LBH: variants seen among roughly 807,000 people sequenced by gnomAD.
The protein encoded by LBH is protein LBH.
Under a neutral mutation model 12.5 loss-of-function variants are expected in LBH, and 7 were observed. The ratio of observed to expected loss-of-function variants is 0.56; its 90% CI spans 0.32 to 1.05. LBH has a LOEUF of 1.05. Ranked by LOEUF, LBH falls within the 50% of genes least tolerant of loss-of-function variation. The pLI, the probability that LBH is intolerant of heterozygous loss-of-function variation, is 0.04. For missense variants in LBH, 119 were observed against 138.9 expected (o/e 0.86, Z 0.72); for synonymous variants, 51 against 50.1 (o/e 1.02, Z -0.08).
chr2:30,232,340 C>A, intron 1 of LBH: 2 of 1,213,038 alleles, frequency 1.6e-6, no homozygotes, highest in Non-Finnish European at 2.2e-6. Flanking sequence ...TCCACCGCCC[C>A]TAAAAACCGA....
intron 2 of LBH, among the ~76,000 whole-genome samples, chr2:30,234,752 T>C (rs1191926960): frequency 6.6e-6 from 1 of 152,204 alleles, no homozygotes; most frequent in Non-Finnish European, 1.5e-5. Context: ...TCCTAGTGTC[T>C]GGGACAGATA....
chr2:30,239,184 G>A (rs897215255), intron 2 of LBH, among the ~76,000 whole-genome samples: 4 of 152,098 alleles, frequency 2.6e-5, no homozygotes, highest in African/African-American at 4.8e-5. Flanking sequence ...GCGGTAGCTC[G>A]GAAACCCCTT....
intron 2 of LBH, among the ~76,000 whole-genome samples, chr2:30,246,879 T>G (rs980558777): frequency 1.4e-5 from 2 of 142,400 alleles, no homozygotes; most frequent in Non-Finnish European, 3.1e-5. Context: ...TAGAGTGCAG[T>G]GGCATGGTCA....
chr2:30,232,244 G>A, intron 1 of LBH: 2 of 590,644 alleles, frequency 3.4e-6, no homozygotes, highest in Non-Finnish European at 6.0e-6. Flanking sequence ...GGGGGGGTGG[G>A]GGGCGGGAAA....
rs545175590 is a variant in LBH, at chr2:30,257,446, C to T, written c.143C>T (p.Pro48Leu). 6.2e-6 allele frequency: 10 copies of T among 1,614,104 alleles called. No homozygotes were observed. Among genetic ancestry groups the T allele is most frequent in the South Asian group, 3.3e-5 (3 of 91,082 alleles). ...DGLSYQIFPD[P>L]SDFDRCCKLK... ...CTTTTCTTTCAGATCTTCCCAGACC[C>T]GTCAGATTTTGACCGCTGCTGCAAA... The change falls in exon 3 of 3, where the codon CCG (proline) becomes CTG (leucine). Residue 48 changes from proline (P) to leucine (L), a missense_variant. Coordinates refer to ENST00000395323, the MANE Select transcript of LBH (RefSeq NM_030915.4).
At chr2:30,232,340 C>T in intron 1 of LBH, 1 of 1,213,038 alleles carries the variant, frequency 8.2e-7, no homozygotes, top group Non-Finnish European at 1.1e-6. Flanking sequence ...TCCACCGCCC[C>T]TAAAAACCGA....
chr2:30,231,837 C>A, intron 1 of LBH, 73 bp downstream of exon 1: 3 of 1,394,486 alleles, frequency 2.2e-6, no homozygotes, highest in Non-Finnish European at 2.9e-6. Context: ...TGCTTCGTGC[C>A]GGCTCCGGGT....
intron 2 of LBH, among the ~76,000 whole-genome samples, chr2:30,243,265 C>G (rs1196312127): frequency 6.6e-6 from 1 of 152,228 alleles, no homozygotes; most frequent in Non-Finnish European, 1.5e-5. Flanking sequence ...AGTAGGTACA[C>G]TGACACCCTC....
At chr2:30,234,620 G>A (rs1677653584) in intron 2 of LBH, 113 bp downstream of exon 2, 1 of 693,336 alleles carries the variant, frequency 1.4e-6, no homozygotes, top group Admixed American at 2.5e-5. Context: ...GTGGGACTGT[G>A]GCAGAGTCCC....
At chr2:30,242,077 A>G (rs1010011214) in intron 2 of LBH, among the ~76,000 whole-genome samples, 2 of 152,156 alleles carry the variant, frequency 1.3e-5, no homozygotes, top group African/African-American at 4.8e-5. Context: ...TCTCTTATAA[A>G]TATGTAAATA....
rs372279040 is a variant in LBH at position 30,259,053 on chromosome 2, C to G, written c.*1432C>G. 6.6e-6 allele frequency: 1 copy of G among 152,634 alleles called. No homozygotes were observed. The highest frequency in any genetic ancestry group is 2.4e-5 in the African/African-American group (1 of 41,432). 9.5% of individuals were successfully genotyped at this position (152,634 alleles called of 1,614,324 possible). On this transcript the variant is annotated 3_prime_UTR_variant, in exon 3 of 3. Coordinates refer to ENST00000395323, the MANE Select transcript of LBH (RefSeq NM_030915.4). ...TTGCAGGACAAATGCTTCAGTCCGC[C>G]GAGAGCAGTACCGTGTGGCCAAGAG...
At chr2:30,237,535 C>G (rs1171069614) in intron 2 of LBH, among the ~76,000 whole-genome samples, 1 of 152,152 alleles carries the variant, frequency 6.6e-6, no homozygotes. Flanking sequence ...CCCAAGGTGC[C>G]TAAGTGCTAA....
intron 2 of LBH, among the ~76,000 whole-genome samples, chr2:30,251,199 C>A (rs1036895687): frequency 2.0e-5 from 3 of 151,868 alleles, no homozygotes; most frequent in Non-Finnish European, 2.9e-5. Context: ...GGATTACAGG[C>A]ATGAGCCACC....
intron 1 of LBH, chr2:30,232,304 G>T: frequency 7.0e-7 from 1 of 1,437,446 alleles, no homozygotes. Flanking sequence ...CAGGGCACGC[G>T]CTGCAGCCTC....
chr2:30,231,824 G>C, intron 1 of LBH, 60 bp downstream of exon 1: 1 of 1,478,458 alleles, frequency 6.8e-7, no homozygotes, highest in Middle Eastern at 1.9e-4. Flanking sequence ...GGGCCCGGGC[G>C]CCTGCTTCGT....
At chr2:30,247,294 G>T (rs1677888456) in intron 2 of LBH, among the ~76,000 whole-genome samples, 2 of 152,136 alleles carry the variant, frequency 1.3e-5, no homozygotes, top group Admixed American at 6.5e-5. Flanking sequence ...AGTTATGCAG[G>T]TCTTCAAAAT....
At chr2:30,236,988 A>G (rs564879752) in intron 2 of LBH, among the ~76,000 whole-genome samples, 1 of 152,190 alleles carries the variant, frequency 6.6e-6, no homozygotes, top group Non-Finnish European at 1.5e-5. Context: ...TGTGACAGAT[A>G]TTCTCCGGGC....
At chr2:30,233,854 A>C (rs1677635333) in intron 1 of LBH, among the ~76,000 whole-genome samples, 1 of 152,234 alleles carries the variant, frequency 6.6e-6, no homozygotes, top group African/African-American at 2.4e-5. Context: ...TGGGGCTTTA[A>C]GTGGAACATT....
chr2:30,233,265 A>G (rs971440278), intron 1 of LBH: 2 of 152,288 alleles, frequency 1.3e-5, no homozygotes, highest in South Asian at 4.1e-4. Context: ...GGTATGCACT[A>G]TTAGCATCAG....
Sources: gnomAD v4.1 joint callset for allele counts (sites outside exome capture counted in the v4.1 genomes callset) on GRCh38, gnomAD v4.1.1 for gene constraint, MANE v1.5 for transcripts, NCBI Gene and HGNC (gene_info 2026-07-23, HGNC 2026-07-21) for gene names.